Variants in MYT1L observed in about 807,000 individuals in gnomAD.
MYT1L encodes the protein myelin transcription factor 1-like protein.
MYT1L carries 12 observed loss-of-function variants against 126.7 expected under a neutral mutation model. That is an observed-to-expected ratio of 0.09 (90% confidence interval 0.06 to 0.15). The LOEUF is 0.15. Ranked by LOEUF, MYT1L falls within the 10% of genes least tolerant of loss-of-function variation. The pLI is 1.00. For missense variants in MYT1L, 979 were observed against 1,585.2 expected (o/e 0.62, Z 6.49); for synonymous variants, 541 against 604.2 (o/e 0.90, Z 1.53).
rs577925330 is a variant in MYT1L, at chr2:2,275,912, A to G, written c.-421+8492T>C. Among the ~76,000 whole-genome samples, 21 of 152,226 alleles carry G rather than the reference A, an allele frequency of 1.4e-4. No individual in the cohort carries two copies. The South Asian group carries it at 3.5e-3, about 26-fold the overall frequency. Reference sequence around the variant, plus strand: ...AACCTCCTCTGCCTGGGAAAGGCCTATGTATTCTTCAGTGTCATTCCCAAA... The same window carrying G: ...AACCTCCTCTGCCTGGGAAAGGCCTGTGTATTCTTCAGTGTCATTCCCAAA... On this transcript the variant is annotated intron_variant, in intron 2 of 24. Coordinates refer to ENST00000647738, the MANE Select transcript of MYT1L (RefSeq NM_001303052.2).
At chr2:1,966,811 C>T (rs1366991934) in intron 8 of MYT1L, among the ~76,000 whole-genome samples, 1 of 150,688 alleles carries the variant, frequency 6.6e-6, no homozygotes, top group Non-Finnish European at 1.5e-5. Flanking sequence ...AAAAAATTTA[C>T]ATCGATCATA....
rs182509933 is a variant in MYT1L at position 1,892,983 on chromosome 2, A to C, written c.2033-696T>G. On this transcript the variant is annotated intron_variant, in intron 14 of 24. Coordinates refer to ENST00000647738, the MANE Select transcript of MYT1L (RefSeq NM_001303052.2). The stretch of plus-strand genomic sequence containing the variant: ...CACATAGAGAATAAGCTCAGGATAA[A>C]TGTCGAAACACCTGAGTGGCCACTT... Among the ~76,000 whole-genome samples the C allele has an allele frequency of 1.4e-4, 22 of 152,280 alleles. No homozygotes were observed. The East Asian group carries it at 3.9e-3, about 27-fold the overall frequency.
intron 3 of MYT1L, among the ~76,000 whole-genome samples, chr2:2,119,028 T>C (rs908406529): frequency 3.3e-5 from 5 of 152,274 alleles, no homozygotes; most frequent in Non-Finnish European, 7.3e-5. Flanking sequence ...TATTCAACCA[T>C]GTGGTTAAGA....
At chr2:2,120,795 CGTGT>C (rs540914479) in intron 3 of MYT1L, among the ~76,000 whole-genome samples, 62 of 152,258 alleles carry the variant, frequency 4.1e-4, no homozygotes, top group East Asian at 1.4e-3. Flanking sequence ...ATTGCACACA[CGTGT>C]GTGTGTATTA....
At chr2:1,897,211 C>T (rs913084966) in intron 14 of MYT1L, among the ~76,000 whole-genome samples, 1 of 152,184 alleles carries the variant, frequency 6.6e-6, no homozygotes, top group East Asian at 1.9e-4. Context: ...AAAGGAAGGT[C>T]ATTGGTCCTA....
chr2:2,292,480 A>G (rs1410388345), intron 1 of MYT1L, among the ~76,000 whole-genome samples: 1 of 152,088 alleles, frequency 6.6e-6, no homozygotes, highest in South Asian at 2.1e-4. Context: ...GGATGTCAGG[A>G]CTCCATATTG....
chr2:1,801,817 AG>A lies in MYT1L; in HGVS notation c.3173-19del. The A allele has an allele frequency of 6.7e-7, 1 of 1,482,232 alleles. No individual in the cohort carries two copies. Among genetic ancestry groups the A allele is most frequent in the Non-Finnish European group, 9.4e-7 (1 of 1,069,184 alleles). 91.8% of individuals were successfully genotyped at this position (1,482,232 alleles called of 1,614,324 possible). Reference sequence around the variant, plus strand: ...TTCTATACCTGTAATAATGAATATTAGTATGTTAAAACTGTTATATACAAAA... The same window carrying A: ...TTCTATACCTGTAATAATGAATATTATATGTTAAAACTGTTATATACAAAA... On this transcript the variant is annotated intron_variant, in intron 22 of 24. Transcript: ENST00000647738. This position sits in a 1 kb window ranked among gnomAD's most constrained non-coding sequence, Gnocchi z 4.2.
intron 3 of MYT1L, among the ~76,000 whole-genome samples, chr2:2,076,339 G>T (rs2075222266): frequency 6.6e-6 from 1 of 152,194 alleles, no homozygotes; most frequent in Admixed American, 6.5e-5. Context: ...AAGCCCTCCT[G>T]GAAAGGGCCA....
At chr2:1,927,936 C>A (rs956119652) in intron 9 of MYT1L, among the ~76,000 whole-genome samples, 1 of 141,366 alleles carries the variant, frequency 7.1e-6, no homozygotes, top group Non-Finnish European at 1.5e-5. Context: ...AAAACCAAAC[C>A]ACATAAACCA....
chr2:1,980,316 C>CTG, intron 5 of MYT1L, among the ~76,000 whole-genome samples: 1 of 146,524 alleles, frequency 6.8e-6, no homozygotes, highest in Admixed American at 6.8e-5. Flanking sequence ...ATATTTATAT[C>CTG]TATATATACA....
In MYT1L at chr2:1,979,313, G is replaced by T; in HGVS notation, c.90-86C>A. On this transcript the variant is annotated intron_variant, in intron 7 of 24. Coordinates refer to ENST00000647738, the MANE Select transcript of MYT1L (RefSeq NM_001303052.2). The surrounding 1 kb of genome is among the most constrained non-coding windows in gnomAD (Gnocchi z 4.0). ...CCGTGGCAGCAGAGAGAAGGAGGGCGGCTCAGACAGAGGAGAGAAATCACA... is the reference window on the plus strand; with the variant it reads ...CCGTGGCAGCAGAGAGAAGGAGGGCTGCTCAGACAGAGGAGAGAAATCACA... The T allele has an allele frequency of 1.6e-6, 2 of 1,279,370 alleles. No homozygotes were observed. The highest frequency in any genetic ancestry group is 2.2e-6 in the Non-Finnish European group (2 of 889,990). The allele number at this position is 1,279,370 out of a possible 1,614,324, so 79.3% of individuals were successfully genotyped here. A position where few individuals can be genotyped will look rare whatever the true frequency, so the allele number is the denominator to read the frequency against.
chr2:2,055,271 T>C (rs746885988), intron 3 of MYT1L, among the ~76,000 whole-genome samples: 2 of 152,208 alleles, frequency 1.3e-5, no homozygotes, highest in Non-Finnish European at 2.9e-5. Flanking sequence ...CAGCGGGTTG[T>C]CATGTGTGTT....
intron 18 of MYT1L, among the ~76,000 whole-genome samples, chr2:1,855,529 T>C (rs760861244): frequency 2.0e-5 from 3 of 151,814 alleles, no homozygotes; most frequent in Non-Finnish European, 4.4e-5. Context: ...GGGAGCAGAG[T>C]GGGGTTGGAA....
intron 4 of MYT1L, among the ~76,000 whole-genome samples, chr2:2,006,958 C>G (rs577316729): frequency 6.6e-6 from 1 of 151,498 alleles, no homozygotes; most frequent in Non-Finnish European, 1.5e-5. Flanking sequence ...ACTTATATTA[C>G]GTAGTATAAT....
intron 4 of MYT1L, among the ~76,000 whole-genome samples, chr2:2,009,501 G>A (rs1050738189): frequency 6.6e-6 from 1 of 151,920 alleles, no homozygotes; most frequent in Non-Finnish European, 1.5e-5. Context: ...TTTCCAGCTA[G>A]GTTATTATTT....
intron 4 of MYT1L, among the ~76,000 whole-genome samples, chr2:2,029,270 C>T (rs1355936917): frequency 1.3e-5 from 2 of 152,136 alleles, no homozygotes; most frequent in East Asian, 1.9e-4. Context: ...CATCCATTCG[C>T]ATGCTGCTAA....
At chr2:1,935,650 G>A (rs1289946343) in intron 9 of MYT1L, among the ~76,000 whole-genome samples, 2 of 152,136 alleles carry the variant, frequency 1.3e-5, no homozygotes, top group Non-Finnish European at 2.9e-5. Context: ...TGAAACTGAG[G>A]TCCAGTGAAG....
intron 18 of MYT1L, among the ~76,000 whole-genome samples, chr2:1,861,838 C>CTTCTGCAGCCTGTGTAATTCTAGATCT (rs1558190924): frequency 1.2e-5 from 1 of 85,300 alleles, no homozygotes; most frequent in Non-Finnish European, 2.8e-5. Flanking sequence ...ATCCTGGATC[C>CTTCTGCAGCCTGTGTAATTCTAGATCT]GCCTGCAGCC....
At chr2:2,213,888 A>G (rs1161414943) in intron 2 of MYT1L, among the ~76,000 whole-genome samples, 1 of 152,216 alleles carries the variant, frequency 6.6e-6, no homozygotes, top group Non-Finnish European at 1.5e-5. Context: ...CAATCAATCT[A>G]ACCATTGCAG....
Sources: allele counts gnomAD v4.1 joint callset (sites outside exome capture counted in the v4.1 genomes callset), GRCh38; gene constraint gnomAD v4.1.1; non-coding constraint Gnocchi (gnomAD v3.1); transcripts MANE v1.5; gene names NCBI Gene and HGNC (gene_info 2026-07-23, HGNC 2026-07-21).